Variants in MAN1C1 observed in about 807,000 individuals in gnomAD.
The protein encoded by MAN1C1 is mannosidase alpha class 1C member 1, also known as mannosyl-oligosaccharide 1,2-alpha-mannosidase IC.
MAN1C1 carries 49 observed loss-of-function variants against 71.5 expected under a neutral mutation model. That is an observed-to-expected ratio of 0.69 (90% CI 0.54 to 0.87). The LOEUF (loss-of-function observed/expected upper bound fraction) is 0.87, where lower values mean the gene tolerates loss of function less well. Ranked by LOEUF, MAN1C1 falls within the 40% of genes least tolerant of loss-of-function variation. The probability of loss-of-function intolerance (pLI) is 0.00; values close to 1 mark genes in which losing one functional copy is unlikely to be tolerated. For synonymous variants in MAN1C1, 352 were observed against 343.7 expected, an observed-to-expected ratio of 1.02 and a Z score of -0.27; for missense variants, 743 against 835.0, an observed-to-expected ratio of 0.89 and a Z score of 1.36.
At chr1:25,681,156 G>A (rs1018985781) in intron 1 of MAN1C1, among the ~76,000 whole-genome samples, 3 of 151,724 alleles carry the variant, frequency 2.0e-5, no homozygotes, top group African/African-American at 7.3e-5. Context: ...AACCCGGCAG[G>A]TGGAGGTTGC....
intron 1 of MAN1C1, among the ~76,000 whole-genome samples, chr1:25,627,584 T>C (rs2045316829): frequency 6.6e-6 from 1 of 152,206 alleles, no homozygotes; most frequent in Non-Finnish European, 1.5e-5. Context: ...CAATCCATGC[T>C]TTCTTGATGC....
Position 25,644,497 on chromosome 1 carries a change from C to CATATATATATAT in MAN1C1, c.540+26171_540+26182dup, listed in dbSNP as rs1204408970. ...CTGATTGGGGTAATGGTACCAGAGA[C>CATATATATATAT]ATATATATATATATATATATATTTT... On this transcript the variant is annotated intron_variant, in intron 1 of 11. Coordinates refer to ENST00000374332, the MANE Select transcript of MAN1C1 (RefSeq NM_020379.4). 3.5e-4 allele frequency: 28 copies of CATATATATATAT among 80,138 alleles called. 1 individual carries two copies. Among genetic ancestry groups the CATATATATATAT allele is most frequent in the African/African-American group, 2.3e-3 (26 of 11,144 alleles). The allele number at this position is 80,138 out of a possible 1,614,324, so 5.0% of individuals were successfully genotyped here.
rs750595580 is a variant in MAN1C1 at position 25,753,559 on chromosome 1, G to T, written c.910G>T (p.Gly304Cys). 1 of 1,613,652 alleles carries T rather than the reference G, an allele frequency of 6.2e-7. No homozygotes were observed. The highest frequency in any genetic ancestry group is 8.5e-7 in the Non-Finnish European group (1 of 1,179,784). Reference sequence around the variant, plus strand: ...CAACACCCCCACGGGAATCCCAAAGGGCGTGGTGAGCTTCAAAAGGTAGGG... The same window carrying T: ...CAACACCCCCACGGGAATCCCAAAGTGCGTGGTGAGCTTCAAAAGGTAGGG... Reference protein sequence around the residue: ...AFNTPTGIPKGVVSFKSGNWG... With the variant: ...AFNTPTGIPKCVVSFKSGNWG... Residue 304 changes from glycine to cysteine, a missense_variant, in exon 5 of 12, where the codon GGC becomes TGC. Physicochemically the swap from Gly to Cys is radical, Grantham distance 159. Coordinates refer to ENST00000374332, the MANE Select transcript of MAN1C1 (RefSeq NM_020379.4). This position sits in a 1 kb window ranked among gnomAD's most constrained non-coding sequence, Gnocchi z 4.9.
rs1264009002 is a variant in MAN1C1, at chr1:25,784,384, C to T, written c.*595C>T. On this transcript the variant is annotated 3_prime_UTR_variant, in exon 12 of 12. Coordinates refer to ENST00000374332, the MANE Select transcript of MAN1C1 (RefSeq NM_020379.4). ...GCCTCAGTGTTACAAATTACTAGTG[C>T]TATTTTCATTATTATTGTAATGGAA... 1 of 152,144 alleles carries T rather than the reference C, an allele frequency of 6.6e-6. No homozygotes were observed. The highest frequency in any genetic ancestry group is 1.5e-5 in the Non-Finnish European group (1 of 68,054). 9.4% of individuals were successfully genotyped at this position (152,144 alleles called of 1,614,324 possible). A position where few individuals can be genotyped will look rare whatever the true frequency, so the allele number is the denominator to read the frequency against.
At chr1:25,731,343 T>C (rs1040173444) in intron 2 of MAN1C1, among the ~76,000 whole-genome samples, 1 of 149,772 alleles carries the variant, frequency 6.7e-6, no homozygotes, top group Non-Finnish European at 1.5e-5. Flanking sequence ...ATCGTCATCA[T>C]CATCATCATC....
intron 1 of MAN1C1, among the ~76,000 whole-genome samples, chr1:25,623,874 G>T (rs1240471916): frequency 1.3e-5 from 2 of 152,326 alleles, no homozygotes; most frequent in Admixed American, 1.3e-4. Flanking sequence ...TAGGCTAGTT[G>T]CCTCAGGCGA....
intron 2 of MAN1C1, among the ~76,000 whole-genome samples, chr1:25,703,334 C>T (rs191891497): frequency 3.3e-5 from 5 of 152,226 alleles, no homozygotes; most frequent in East Asian, 3.9e-4. Flanking sequence ...AGCCCTGAGG[C>T]GTGAGTGGAG....
intron 2 of MAN1C1, among the ~76,000 whole-genome samples, chr1:25,713,420 G>A (rs917094996): frequency 6.6e-6 from 1 of 152,210 alleles, no homozygotes; most frequent in Non-Finnish European, 1.5e-5. Context: ...AAATTCATAC[G>A]CAGGTTTTGA....
intron 1 of MAN1C1, among the ~76,000 whole-genome samples, chr1:25,627,681 G>A (rs888542884): frequency 1.3e-5 from 2 of 152,112 alleles, no homozygotes; most frequent in African/African-American, 4.8e-5. Context: ...TTTGGCCATT[G>A]TAGTTCCTTT....
intron 1 of MAN1C1, among the ~76,000 whole-genome samples, chr1:25,650,579 C>G (rs1158022866): frequency 1.3e-5 from 2 of 152,216 alleles, no homozygotes; most frequent in East Asian, 3.8e-4. Flanking sequence ...TCTGTGGCCT[C>G]TCCATGGCCT....
intron 1 of MAN1C1, among the ~76,000 whole-genome samples, chr1:25,620,798 A>G (rs2045195589): frequency 6.6e-6 from 1 of 152,130 alleles, no homozygotes; most frequent in Admixed American, 6.5e-5. Flanking sequence ...GGACACTTGG[A>G]CTCTAGATCA....
chr1:25,773,714 T>A (rs141182619), intron 8 of MAN1C1, among the ~76,000 whole-genome samples: 5 of 152,334 alleles, frequency 3.3e-5, no homozygotes, highest in African/African-American at 7.2e-5. Context: ...GAAATGGCCA[T>A]GAATTATTTA....
chr1:25,758,638 G>C lies in MAN1C1; in HGVS notation c.976G>C (p.Glu326Gln). ...ATAGSSSILA[E>Q]FGSLHLEFLH... ...AGCCGGCAGCAGCAGCATCTTGGCG[G>C]AGTTTGGATCCCTGCACTTGGAATT... The change falls in exon 6 of 12, where the codon GAG becomes CAG. Residue 326 changes from glutamate (E) to glutamine (Q), a missense_variant. By Grantham distance (29) the Glu-to-Gln change is conservative. Transcript: ENST00000374332. 6.2e-7 allele frequency: 1 copy of C among 1,614,238 alleles called. No individual in the cohort carries two copies. The highest frequency in any genetic ancestry group is 8.5e-7 in the Non-Finnish European group (1 of 1,180,046).
At chr1:25,684,689 C>T (rs1004887253) in intron 1 of MAN1C1, among the ~76,000 whole-genome samples, 9 of 152,210 alleles carry the variant, frequency 5.9e-5, no homozygotes, top group Non-Finnish European at 1.0e-4. Flanking sequence ...CTGGAAGAGA[C>T]GTCTCCTAAG....
chr1:25,753,693 AG>A lies in MAN1C1; in HGVS notation c.929+121del, dbSNP rs2124355114. On this transcript the variant is annotated intron_variant, in intron 5 of 11. Transcript: ENST00000374332. This position sits in a 1 kb window ranked among gnomAD's most constrained non-coding sequence, Gnocchi z 4.9. ...CAGGGGCAGTAGGCAGGCAAGCAGG[AG>A]GGGGGACCCTTGGGACCACCTCTGT... 4 of 837,562 alleles carry A rather than the reference AG, an allele frequency of 4.8e-6. No homozygotes were observed. Among genetic ancestry groups the A allele is most frequent in the South Asian group, 1.7e-5 (1 of 57,770 alleles). 51.9% of individuals were successfully genotyped at this position (837,562 alleles called of 1,614,324 possible).
intron 1 of MAN1C1, among the ~76,000 whole-genome samples, chr1:25,660,064 A>G (rs367967901): frequency 1.1e-4 from 17 of 152,278 alleles, no homozygotes; most frequent in African/African-American, 3.9e-4. Flanking sequence ...AATTGCCTAG[A>G]CTTAGGAAAG....
chr1:25,756,568 C>T (rs2047288987), intron 5 of MAN1C1, among the ~76,000 whole-genome samples: 1 of 152,206 alleles, frequency 6.6e-6, no homozygotes, highest in Non-Finnish European at 1.5e-5. Flanking sequence ...CTCTGAGACT[C>T]ACTGAGATCA....
Position 25,754,678 on chromosome 1 carries a change from C to T in MAN1C1, c.929+1100C>T, listed in dbSNP as rs867531153. On this transcript the variant is annotated intron_variant, in intron 5 of 11. Coordinates refer to ENST00000374332, the MANE Select transcript of MAN1C1 (RefSeq NM_020379.4). ...GAGACACAGCCAGCTGTCATGAAGC[C>T]CAGACACACACACACTGTCCTCTGG... Among the ~76,000 whole-genome samples the T allele has an allele frequency of 2.8e-4, 42 of 150,142 alleles. No individual in the cohort carries two copies. In the Middle Eastern group the frequency reaches 0.01, roughly 36 times the overall value.
rs1196233875 is a variant in MAN1C1 at position 25,660,669 on chromosome 1, CAG to C, written c.541-25770_541-25769del. On this transcript the variant is annotated intron_variant, in intron 1 of 11. Coordinates refer to ENST00000374332, the MANE Select transcript of MAN1C1 (RefSeq NM_020379.4). ...CGGCCTCCCAAAAGTGCTGGGATTA[CAG>C]GTGTGAGTCACCATGCCCGGCCTGA... 2.8e-4 allele frequency among the ~76,000 whole-genome samples: 42 copies of C among 151,968 alleles called. No homozygotes were observed. In the East Asian group the frequency reaches 4.5e-3, roughly 16 times the overall value.
Sources: allele counts gnomAD v4.1 joint callset (sites outside exome capture counted in the v4.1 genomes callset), GRCh38; gene constraint gnomAD v4.1.1; non-coding constraint Gnocchi (gnomAD v3.1); transcripts MANE v1.5; gene names NCBI Gene and HGNC (gene_info 2026-07-23, HGNC 2026-07-21).